Variants in ATP6V0A4 observed in about 807,000 individuals in gnomAD.
The protein encoded by ATP6V0A4 is ATPase H+ transporting V0 subunit a4.
ATP6V0A4 carries 86 observed loss-of-function variants against 107.3 expected under a neutral mutation model. The observed-to-expected ratio is 0.80, with a 90% CI of 0.67 to 0.96. ATP6V0A4 has a LOEUF of 0.96. ATP6V0A4 is among the 40% of genes least tolerant of loss of function. ATP6V0A4 has a pLI of 0.00. For missense variants in ATP6V0A4, 908 were observed against 1,045.6 expected (o/e 0.87, Z 1.81); for synonymous variants, 353 against 381.4 (o/e 0.93, Z 0.87).
intron 5 of ATP6V0A4, among the ~76,000 whole-genome samples, chr7:138,764,384 T>C (rs1047441467): frequency 2.0e-5 from 3 of 152,278 alleles, no homozygotes; most frequent in Non-Finnish European, 4.4e-5. Flanking sequence ...TGCAATTTAA[T>C]GTTTAACAAA....
intron 17 of ATP6V0A4, among the ~76,000 whole-genome samples, chr7:138,729,151 G>A (rs1804862260): frequency 6.6e-6 from 1 of 152,146 alleles, no homozygotes; most frequent in South Asian, 2.1e-4. Flanking sequence ...TAAACAAGAA[G>A]TACGCATGAA....
At chr7:138,745,962 A>AAAAAT (rs1554396065) in intron 13 of ATP6V0A4, among the ~76,000 whole-genome samples, 1 of 65,682 alleles carries the variant, frequency 1.5e-5, no homozygotes, top group African/African-American at 6.7e-5. Context: ...AAAAAAAAAA[A>AAAAAT]ATATATATAT....
chr7:138,750,721 C>G (rs1376156746), intron 11 of ATP6V0A4, among the ~76,000 whole-genome samples: 4 of 152,226 alleles, frequency 2.6e-5, no homozygotes, highest in Non-Finnish European at 5.9e-5. Context: ...GCGCATGCAT[C>G]ACTTCCTCCA....
intron 2 of ATP6V0A4, among the ~76,000 whole-genome samples, chr7:138,774,617 A>ATATTATATACATTAT (rs1807559384): frequency 5.6e-5 from 3 of 53,522 alleles, no homozygotes; most frequent in Admixed American, 3.6e-4. Flanking sequence ...CTATATATAT[A>ATATTATATACATTAT]ATATATTATA....
intron 15 of ATP6V0A4, among the ~76,000 whole-genome samples, chr7:138,738,585 GACTTTACC>G (rs148979096): frequency 6.2e-4 from 94 of 152,296 alleles, no homozygotes; most frequent in African/African-American, 2.2e-3. Context: ...AGCCTTCAAG[GACTTTACC>G]ACTTTTGATA....
intron 8 of ATP6V0A4, among the ~76,000 whole-genome samples, chr7:138,758,492 T>C (rs996766892): frequency 6.6e-6 from 1 of 152,152 alleles, no homozygotes; most frequent in African/African-American, 2.4e-5. Flanking sequence ...CTGAAAAAGA[T>C]TATAGACGCT....
At chr7:138,749,570 C>G (rs1806127017) in intron 11 of ATP6V0A4, among the ~76,000 whole-genome samples, 1 of 152,204 alleles carries the variant, frequency 6.6e-6, no homozygotes, top group African/African-American at 2.4e-5. Flanking sequence ...CCGTCTCCTA[C>G]TGCTGTAAAT....
rs565186611 is a variant in ATP6V0A4, at chr7:138,734,100, A to G, written c.1691+36T>C. 2.0e-5 allele frequency: 32 copies of G among 1,576,486 alleles called. 1 individual carries two copies. In the South Asian group the frequency reaches 3.0e-4, roughly 15 times the overall value. ...GTCACCATTCATCATCAGTGTGATC[A>G]GACAGAGCAGGCAGAGAGTGCATCA... On this transcript the variant is annotated intron_variant, in intron 16 of 21. Transcript: ENST00000310018.
At chr7:138,718,598 A>ATGGGGAGGAC (rs1804254499) in intron 19 of ATP6V0A4, among the ~76,000 whole-genome samples, 4 of 67,140 alleles carry the variant, frequency 6.0e-5, no homozygotes, top group South Asian at 6.2e-4. Context: ...ATGGGGAGGA[A>ATGGGGAGGAC]TGGGGAGGAA....
rs1350090837 is a variant in ATP6V0A4, at chr7:138,728,855, A to G, written c.1916T>C (p.Val639Ala). Residue 639 changes from valine (V) to alanine (A), a missense_variant, in exon 18 of 22, where the codon GTC becomes GCC. By Grantham distance (64) the Val-to-Ala change is moderately conservative. Transcript: ENST00000310018. Reference sequence around the variant, plus strand: ...AGCCATAACCACAAAGAAACTTTGGACTTCTTGCTGCAAGACCAAAATGGC... The same window carrying G: ...AGCCATAACCACAAAGAAACTTTGGGCTTCTTGCTGCAAGACCAAAATGGC... ...NAPLYKHQQE[V>A]QSFFVVMALI... is the part of the protein sequence containing the mutation. The G allele has an allele frequency of 6.2e-7, 1 of 1,614,070 alleles. No individual in the cohort carries two copies. The highest frequency in any genetic ancestry group is 1.3e-5 in the African/African-American group (1 of 74,932).
intron 19 of ATP6V0A4, 45 bp from the exon 20 acceptor site, chr7:138,715,926 C>T: frequency 6.2e-7 from 1 of 1,605,766 alleles, no homozygotes; most frequent in South Asian, 1.1e-5. Flanking sequence ...GAATTTTCTA[C>T]ACAAAAGTTA....
At position 138,706,598 on chromosome 7, in the gene ATP6V0A4, CCACCGTGG is replaced by C; in HGVS notation, c.*18_*25del. The C allele has an allele frequency of 6.2e-7, 1 of 1,613,276 alleles. No individual in the cohort carries two copies. The highest frequency in any genetic ancestry group is 8.5e-7 in the Non-Finnish European group (1 of 1,179,482). ...TGAACTTCCTTCATTGGCATGGTGA[CCACCGTGG>C]GAGGTGCAGCCCTCAGCCTACTCCT... On this transcript the variant is annotated 3_prime_UTR_variant, in exon 22 of 22. Coordinates refer to ENST00000310018, the MANE Select transcript of ATP6V0A4 (RefSeq NM_020632.3).
At chr7:138,707,108 A>C (rs1562972257) in intron 21 of ATP6V0A4, among the ~76,000 whole-genome samples, 1 of 55,500 alleles carries the variant, frequency 1.8e-5, no homozygotes, top group African/African-American at 1.1e-4. Flanking sequence ...TATATCATAT[A>C]TATTATTATA....
intron 21 of ATP6V0A4, among the ~76,000 whole-genome samples, chr7:138,707,496 G>C (rs1803507613): frequency 7.0e-6 from 1 of 143,416 alleles, no homozygotes; most frequent in Admixed American, 7.8e-5. Context: ...CTGCCTCCCA[G>C]GCTCAAGCAA....
intron 20 of ATP6V0A4, among the ~76,000 whole-genome samples, chr7:138,710,356 T>C (rs915055776): frequency 7.2e-5 from 11 of 152,112 alleles, no homozygotes; most frequent in African/African-American, 2.7e-4. Flanking sequence ...TACACCCAGC[T>C]AATTTTTGTA....
At chr7:138,752,357 G>A (rs1047612583) in intron 11 of ATP6V0A4, among the ~76,000 whole-genome samples, 2 of 144,830 alleles carry the variant, frequency 1.4e-5, no homozygotes, top group East Asian at 2.1e-4. Context: ...GCTACAGAGC[G>A]AGATTCTATT....
intron 13 of ATP6V0A4, among the ~76,000 whole-genome samples, chr7:138,745,962 A>AATATATATATATATATATATAT (rs1554396064): frequency 9.1e-5 from 6 of 65,664 alleles, no homozygotes; most frequent in African/African-American, 3.4e-4. Context: ...AAAAAAAAAA[A>AATATATATATATATATATATAT]ATATATATAT....
intron 14 of ATP6V0A4, among the ~76,000 whole-genome samples, chr7:138,744,230 C>T (rs1805786616): frequency 6.9e-6 from 1 of 145,644 alleles, no homozygotes; most frequent in Admixed American, 7.5e-5. Context: ...CAACCATTTC[C>T]TCATCTGCTT....
intron 2 of ATP6V0A4, among the ~76,000 whole-genome samples, chr7:138,784,784 T>A (rs1808106022): frequency 1.3e-5 from 2 of 152,228 alleles, no homozygotes; most frequent in Admixed American, 6.5e-5. Context: ...TTCAGGCCAC[T>A]GTTCCCATTC....
Sources: allele counts gnomAD v4.1 joint callset (sites outside exome capture counted in the v4.1 genomes callset), GRCh38; gene constraint gnomAD v4.1.1; transcripts MANE v1.5; gene names NCBI Gene and HGNC (gene_info 2026-07-23, HGNC 2026-07-21).